The following SLC43A1 variants were observed in gnomAD, a reference collection of about 807,000 sequenced individuals.
SLC43A1 encodes large neutral amino acids transporter small subunit 3.
In SLC43A1, 31 loss-of-function variants were observed where a neutral mutation model predicts 59.5. The observed-to-expected ratio is 0.52, with a 90% CI of 0.39 to 0.70. The LOEUF (loss-of-function observed/expected upper bound fraction) is 0.70, where lower values mean the gene tolerates loss of function less well. SLC43A1 is among the 30% of genes least tolerant of loss of function. The probability of loss-of-function intolerance (pLI) is 0.00; values close to 1 mark genes in which losing one functional copy is unlikely to be tolerated. For missense variants in SLC43A1, 598 were observed against 717.8 expected (o/e 0.83, Z 1.91); for synonymous variants, 259 against 290.9 (o/e 0.89, Z 1.12).
At chr11:57,500,289 C>T (rs887456467) in intron 5 of SLC43A1, among the ~76,000 whole-genome samples, 1 of 152,202 alleles carries the variant, frequency 6.6e-6, no homozygotes, top group African/African-American at 2.4e-5. Context: ...GTCACACACC[C>T]ACTCTCCCAC....
Position 57,515,135 on chromosome 11 carries a change from C to T in SLC43A1, c.-14+309G>A. The T allele has an allele frequency of 1.1e-6, 1 of 935,456 alleles. No homozygotes were observed. Among genetic ancestry groups the T allele is most frequent in the African/African-American group, 1.8e-5 (1 of 56,280 alleles). 57.9% of individuals were successfully genotyped at this position (935,456 alleles called of 1,614,324 possible). On this transcript the variant is annotated intron_variant, in intron 1 of 14. Coordinates refer to ENST00000278426, the MANE Select transcript of SLC43A1 (RefSeq NM_003627.6). This position sits in a 1 kb window ranked among gnomAD's most constrained non-coding sequence, Gnocchi z 5.3. ...TTCCAGGGGGACTCGGTATTCTCAT[C>T]TGTGAAACGGGGCTTTGGGTTCAAG...
Position 57,507,715 on chromosome 11 carries a change from C to T in SLC43A1, c.154+6243G>A, listed in dbSNP as rs1313915963. ...AGCTCTTCATATTTTTGTTAAATGACATCATTTGATCCTTAAATCATTGCT... is the reference window on the plus strand; with the variant it reads ...AGCTCTTCATATTTTTGTTAAATGATATCATTTGATCCTTAAATCATTGCT... On this transcript the variant is annotated intron_variant, in intron 2 of 14. Coordinates refer to ENST00000278426, the MANE Select transcript of SLC43A1 (RefSeq NM_003627.6). Among the ~76,000 whole-genome samples, 3 of 152,126 alleles carry T rather than the reference C, an allele frequency of 2.0e-5. No individual in the cohort carries two copies. The East Asian group carries it at 5.8e-4, about 29-fold the overall frequency.
intron 10 of SLC43A1, 79 bp from the exon 11 acceptor site, chr11:57,491,441 G>C: frequency 6.4e-7 from 1 of 1,556,782 alleles, no homozygotes; most frequent in South Asian, 1.2e-5. Context: ...GGAGGCCAGA[G>C]AGCACCAAAA....
intron 6 of SLC43A1, among the ~76,000 whole-genome samples, chr11:57,496,944 A>T (rs1367335317): frequency 1.3e-5 from 2 of 152,044 alleles, no homozygotes; most frequent in Non-Finnish European, 2.9e-5. Flanking sequence ...GGCAGGACAG[A>T]GCTTCAAAGG....
chr11:57,490,081 C>G (rs939188379), intron 11 of SLC43A1, among the ~76,000 whole-genome samples: 1 of 152,184 alleles, frequency 6.6e-6, no homozygotes, highest in African/African-American at 2.4e-5. Context: ...GGATTTCCTT[C>G]TCTCCCAGTC....
At chr11:57,501,068 G>C (rs759978882) in intron 3 of SLC43A1, 25 bp from the exon 4 acceptor site, 1 of 1,607,176 alleles carries the variant, frequency 6.2e-7, no homozygotes, top group Admixed American at 1.7e-5. Flanking sequence ...GGAAGGGCGA[G>C]GGGTTGGCCT....
intron 2 of SLC43A1, among the ~76,000 whole-genome samples, chr11:57,509,416 C>T (rs1265966951): frequency 2.0e-5 from 3 of 151,738 alleles, no homozygotes; most frequent in Non-Finnish European, 2.9e-5. Context: ...GGTGAAACCC[C>T]GTCTCTACTA....
rs1944239206 is a variant in SLC43A1, at chr11:57,500,774, C to T, written c.465+5G>A. 1.2e-6 allele frequency: 2 copies of T among 1,614,072 alleles called. No individual in the cohort carries two copies. The highest frequency in any genetic ancestry group is 1.7e-6 in the Non-Finnish European group (2 of 1,179,918). On this transcript the variant is annotated splice_donor_5th_base_variant and intron_variant, in intron 5 of 14. Transcript: ENST00000278426. ...CTGCTGCCAGGCCAGGCCTGTGACA[C>T]TCACCGTGAGTGAAGTGAACGTTAG...
chr11:57,510,457 CAAAAAAA>C (rs61412196), intron 2 of SLC43A1, among the ~76,000 whole-genome samples: 1 of 25,762 alleles, frequency 3.9e-5, no homozygotes, highest in Non-Finnish European at 6.7e-5. Flanking sequence ...GACTCCATCT[CAAAAAAA>C]AAAAAAAAAA....
At chr11:57,492,749 A>AAC (rs1273568249) in intron 8 of SLC43A1, among the ~76,000 whole-genome samples, 3 of 145,964 alleles carry the variant, frequency 2.1e-5, no homozygotes, top group Admixed American at 6.9e-5. Context: ...AAAAAAAAAA[A>AAC]AAAAAAACCT....
Position 57,489,363 on chromosome 11 carries a change from G to A in SLC43A1, c.1223C>T (p.Pro408Leu). 2 of 1,614,180 alleles carry A rather than the reference G, an allele frequency of 1.2e-6. No individual in the cohort carries two copies. The highest frequency in any genetic ancestry group is 1.7e-6 in the Non-Finnish European group (2 of 1,180,032). ...RDGVATKSIR[P>L]RYCKIQKLTN... ...GAGCTTTTGGATCTTGCAGTAGCGTGGTCTGATGGATTTGGTAGCAACCCC... is the reference window on the plus strand; with the variant it reads ...GAGCTTTTGGATCTTGCAGTAGCGTAGTCTGATGGATTTGGTAGCAACCCC... Residue 408 changes from proline (P) to leucine (L), a missense_variant, in exon 12 of 15, where the codon CCA becomes CTA. Physicochemically the swap from Pro to Leu is moderately conservative, Grantham distance 98. Transcript: ENST00000278426.
chr11:57,496,547 G>A (rs1317352470), intron 6 of SLC43A1, among the ~76,000 whole-genome samples: 2 of 152,166 alleles, frequency 1.3e-5, no homozygotes. Context: ...AGGAAACTTA[G>A]TGCTCTAGGT....
Position 57,491,328 on chromosome 11 carries a change from C to T in SLC43A1, c.1089G>A (p.Gln363=), listed in dbSNP as rs367948008. The T allele has an allele frequency of 4.4e-6, 7 of 1,608,166 alleles. No individual in the cohort carries two copies. Among genetic ancestry groups the T allele is most frequent in the Non-Finnish European group, 4.2e-6 (5 of 1,177,116 alleles). Residue 363 remains glutamine, a synonymous_variant, in exon 11 of 15, where the codon CAG becomes CAA. Transcript: ENST00000278426. ...GGGGGCAGGTGAGAAGGCACAACAG[C>T]TGCATGGCCCCGAAGACGGAGGAGT... The part of the protein sequence containing the change: ...GFYSSVFGAM[Q]LLCLLTCPLI...
At chr11:57,509,466 T>TA in intron 2 of SLC43A1, among the ~76,000 whole-genome samples, 1 of 151,908 alleles carries the variant, frequency 6.6e-6, no homozygotes, top group East Asian at 1.9e-4. Context: ...TGTGTGCCTG[T>TA]AGTCCCAGCT....
chr11:57,491,900 C>T, intron 8 of SLC43A1, 38 bp from the exon 9 acceptor site: 1 of 1,603,646 alleles, frequency 6.2e-7, no homozygotes, highest in African/African-American at 1.3e-5. Flanking sequence ...AGCCCCAGAC[C>T]TTCCACTGCC....
chr11:57,487,012 G>A lies in SLC43A1; in HGVS notation c.1533+83C>T. 6 of 1,463,236 alleles carry A rather than the reference G, an allele frequency of 4.1e-6. No individual in the cohort carries two copies. In the South Asian group the frequency reaches 4.7e-5, roughly 12 times the overall value. The allele number at this position is 1,463,236 out of a possible 1,614,324, so 90.6% of individuals were successfully genotyped here. Reference sequence around the variant, plus strand: ...TGAGGTGCCTCTGGCTGAGATGAGTGAGGGATGGCACCACATACAAGGCCC... The same window carrying A: ...TGAGGTGCCTCTGGCTGAGATGAGTAAGGGATGGCACCACATACAAGGCCC... On this transcript the variant is annotated intron_variant, in intron 14 of 14. Transcript: ENST00000278426.
At chr11:57,486,171 G>C (rs2135138489) in intron 14 of SLC43A1, among the ~76,000 whole-genome samples, 1 of 152,330 alleles carries the variant, frequency 6.6e-6, no homozygotes, top group African/African-American at 2.4e-5. Flanking sequence ...ACTTCACAAA[G>C]CACCTGGAGT....
At chr11:57,486,643 CAAA>C (rs745863972) in intron 14 of SLC43A1, among the ~76,000 whole-genome samples, 1 of 134,300 alleles carries the variant, frequency 7.4e-6, no homozygotes, top group African/African-American at 2.7e-5. Context: ...ACTAAAAATC[CAAA>C]AAAAAAAAAA....
chr11:57,504,020 C>T (rs1944333821), intron 2 of SLC43A1, among the ~76,000 whole-genome samples: 1 of 151,900 alleles, frequency 6.6e-6, no homozygotes, highest in Admixed American at 6.6e-5. Context: ...GGTGAAACCC[C>T]ATCTCTACTA....
Sources: allele counts gnomAD v4.1 joint callset (sites outside exome capture counted in the v4.1 genomes callset), GRCh38; gene constraint gnomAD v4.1.1; non-coding constraint Gnocchi (gnomAD v3.1); transcripts MANE v1.5; gene names NCBI Gene and HGNC (gene_info 2026-07-23, HGNC 2026-07-21).